Variants in COL1A1 observed in about 807,000 individuals in gnomAD.
COL1A1 encodes collagen type I alpha 1 chain.
COL1A1 carries 21 observed loss-of-function variants against 195.7 expected under a neutral mutation model. That is an observed-to-expected ratio of 0.11 (90% CI 0.08 to 0.15). The LOEUF (loss-of-function observed/expected upper bound fraction) is 0.15. Ranked by LOEUF, COL1A1 falls within the 10% of genes least tolerant of loss-of-function variation. The pLI, the probability that COL1A1 is intolerant of heterozygous loss-of-function variation, is 1.00. For missense variants in COL1A1, 1,365 were observed against 2,051.0 expected (o/e 0.67, Z 6.46); for synonymous variants, 749 against 747.3 (o/e 1.00, Z -0.04).
Position 50,195,208 on chromosome 17 carries a change from C to T in COL1A1, c.1299+24G>A, listed in dbSNP as rs1401974466. The T allele has an allele frequency of 6.2e-7, 1 of 1,610,538 alleles. No individual in the cohort carries two copies. Among genetic ancestry groups the T allele is most frequent in the East Asian group, 2.2e-5 (1 of 44,828 alleles). On this transcript the variant is annotated intron_variant, in intron 19 of 50. Coordinates refer to ENST00000225964, the MANE Select transcript of COL1A1 (RefSeq NM_000088.4). The surrounding 1 kb of genome is among the most constrained non-coding windows in gnomAD (Gnocchi z 4.3). ...CACTGGAGCCAGTGCATGGGGTGGG[C>T]AGAAGGGAGAGTTTGGTACTCACGC...
Position 50,185,778 on chromosome 17 carries a change from C to T in COL1A1, c.4248G>A (p.Thr1416=), listed in dbSNP as rs746565111. 36 of 1,613,422 alleles carry T rather than the reference C, an allele frequency of 2.2e-5. 1 individual carries two copies. The highest frequency in any genetic ancestry group is 3.3e-5 in the Admixed American group (2 of 60,008). ...CTGCCTGGGGATTCTGGGCACTCAC[C>T]GTGCAGCCATCGACAGTGACGCTGT... ...FTYSVTVDGC[T]SHTGAWGKTV... The change falls in exon 50 of 51, where the codon ACG becomes ACA. Residue 1416 remains threonine, a splice_region_variant and synonymous_variant. Transcript: ENST00000225964.
Position 50,188,384 on chromosome 17 carries a change from T to C in COL1A1, c.3207+146A>G, listed in dbSNP as rs1044086195. The C allele has an allele frequency of 1.2e-5, 11 of 937,800 alleles. No individual in the cohort carries two copies. The highest frequency in any genetic ancestry group is 1.8e-5 in the Non-Finnish European group (11 of 603,494). The allele number at this position is 937,800 out of a possible 1,614,324, so 58.1% of individuals were successfully genotyped here. A position where few individuals can be genotyped will look rare whatever the true frequency, so the allele number is the denominator to read the frequency against. The stretch of plus-strand genomic sequence containing the variant: ...ACTTGGGGCTGAGCTTTAACTCAGT[T>C]TTTTGGATTAAGGCCCTGACATCTT... On this transcript the variant is annotated intron_variant, in intron 43 of 50. Coordinates refer to ENST00000225964, the MANE Select transcript of COL1A1 (RefSeq NM_000088.4). The surrounding 1 kb of genome is among the most constrained non-coding windows in gnomAD (Gnocchi z 5.6).
intron 45 of COL1A1, 158 bp from the exon 46 acceptor site, chr17:50,187,695 A>C: frequency 1.1e-6 from 1 of 946,276 alleles, no homozygotes; most frequent in Non-Finnish European, 1.7e-6. Context: ...CTCTCCCATA[A>C]TCCCTCTCTG....
At position 50,185,237 on chromosome 17, in the gene COL1A1, T is replaced by C. The variant is rs545033057; in HGVS notation, c.*265A>G. On this transcript the variant is annotated 3_prime_UTR_variant, in exon 51 of 51. Transcript: ENST00000225964. ...AGCAAGTGGACCAAGCTTCCTTTTT[T>C]AAAAAGTTATTTATTTATTCTTTTT... The C allele has an allele frequency of 2.3e-6, 1 of 430,252 alleles. No homozygotes were observed. 26.7% of individuals were successfully genotyped at this position (430,252 alleles called of 1,614,324 possible).
chr17:50,200,549 C>A (rs1165462886), intron 1 of COL1A1, among the ~76,000 whole-genome samples: 1 of 152,206 alleles, frequency 6.6e-6, no homozygotes, highest in African/African-American at 2.4e-5. Context: ...GGGCCATCCC[C>A]AGTCCCCCAA....
At position 50,185,257 on chromosome 17, in the gene COL1A1, CTTTTT is replaced by C. The variant is rs56302025; in HGVS notation, c.*240_*244del. On this transcript the variant is annotated 3_prime_UTR_variant, in exon 51 of 51. Coordinates refer to ENST00000225964, the MANE Select transcript of COL1A1 (RefSeq NM_000088.4). ...TTTTTTAAAAAGTTATTTATTTATTCTTTTTTTTTTTTTTTTTTTGGTAAGGTTGA... is the reference window on the plus strand; with the variant it reads ...TTTTTTAAAAAGTTATTTATTTATTCTTTTTTTTTTTTTTGGTAAGGTTGA... 3.0e-4 allele frequency: 57 copies of C among 192,492 alleles called. 1 individual carries two copies. Among genetic ancestry groups the C allele is most frequent in the African/African-American group, 5.0e-4 (15 of 30,130 alleles). The allele number at this position is 192,492 out of a possible 1,614,324, so 11.9% of individuals were successfully genotyped here.
chr17:50,188,339 G>A lies in COL1A1; in HGVS notation c.3208-190C>T, dbSNP rs903696117. ...GCTGGGGCCAACTCATGGGAGAGGC[G>A]GTCCTGTCTGGGAGAGGGGACTTGG... On this transcript the variant is annotated intron_variant, in intron 43 of 50. Coordinates refer to ENST00000225964, the MANE Select transcript of COL1A1 (RefSeq NM_000088.4). This position sits in a 1 kb window ranked among gnomAD's most constrained non-coding sequence, Gnocchi z 5.6. 16 of 806,626 alleles carry A rather than the reference G, an allele frequency of 2.0e-5. No homozygotes were observed. The highest frequency in any genetic ancestry group is 2.7e-5 in the Non-Finnish European group (14 of 509,658). 50.0% of individuals were successfully genotyped at this position (806,626 alleles called of 1,614,324 possible). A position where few individuals can be genotyped will look rare whatever the true frequency, so the allele number is the denominator to read the frequency against.
rs763699489 is a variant in COL1A1, at chr17:50,187,534, A to G, written c.3373T>C (p.Ser1125Pro). The G allele has an allele frequency of 6.2e-7, 1 of 1,613,834 alleles. No individual in the cohort carries two copies. The highest frequency in any genetic ancestry group is 8.5e-7 in the Non-Finnish European group (1 of 1,179,968). The change falls in exon 46 of 51, where the codon TCT becomes CCT. Residue 1125 changes from serine to proline, a missense_variant. Physicochemically the swap from Ser to Pro is moderately conservative, Grantham distance 74. Around this residue, in one of 5 missense-constraint regions of COL1A1, gnomAD observed 671 missense variants for 1,099.9 expected, o/e 0.61. Coordinates refer to ENST00000225964, the MANE Select transcript of COL1A1 (RefSeq NM_000088.4). ...GLQGPPGPPG[S>P]PGEQGPSGAS... ...CCAGAGGGACCTTGTTCACCAGGAG[A>G]GCCCTGAAGGACAGATAAAAAAGGC...
Position 50,190,101 on chromosome 17 carries a change from T to C in COL1A1, c.2459A>G (p.Asp820Gly), listed in dbSNP as rs1267596970. Residue 820 changes from aspartate (D) to glycine (G), a missense_variant, in exon 36 of 51, where the codon GAC (aspartate) becomes GGC (glycine). By Grantham distance (94) the Asp-to-Gly change is moderately conservative. Around this residue, in one of 5 missense-constraint regions of COL1A1, gnomAD observed 671 missense variants for 1,099.9 expected, o/e 0.61. Coordinates refer to ENST00000225964, the MANE Select transcript of COL1A1 (RefSeq NM_000088.4). This position sits in a 1 kb window ranked among gnomAD's most constrained non-coding sequence, Gnocchi z 4.7. ...PAGFAGPPGA[D>G]GQPGAKGEPG... ...TTCGCCTTTAGCACCAGGTTGGCCG[T>C]CAGCACCCTGGGGGAGGAAGCAGGG... 1 of 1,612,652 alleles carries C rather than the reference T, an allele frequency of 6.2e-7. No homozygotes were observed. Among genetic ancestry groups the C allele is most frequent in the East Asian group, 2.2e-5 (1 of 44,754 alleles).
At position 50,190,758 on chromosome 17, in the gene COL1A1, C is replaced by T; in HGVS notation, c.2343+59G>A. Reference sequence around the variant, plus strand: ...CCCAACGCAACCCCACGGAACCGTGCCCAGGCCTGCTGAGGAGGCTATGTG... The same window carrying T: ...CCCAACGCAACCCCACGGAACCGTGTCCAGGCCTGCTGAGGAGGCTATGTG... On this transcript the variant is annotated intron_variant, in intron 33 of 50. Coordinates refer to ENST00000225964, the MANE Select transcript of COL1A1 (RefSeq NM_000088.4). The surrounding 1 kb of genome is among the most constrained non-coding windows in gnomAD (Gnocchi z 4.7). 2 of 1,540,112 alleles carry T rather than the reference C, an allele frequency of 1.3e-6. No individual in the cohort carries two copies. Among genetic ancestry groups the T allele is most frequent in the African/African-American group, 1.4e-5 (1 of 73,530 alleles).
chr17:50,199,194 G>A lies in COL1A1; in HGVS notation c.471+32C>T, dbSNP rs73987449. 0.036 allele frequency: 51,509 copies of A among 1,436,420 alleles called. 1,969 individuals carry two copies. The highest frequency in any genetic ancestry group is 0.19 in the African/African-American group (13,149 of 69,572). 89.0% of individuals were successfully genotyped at this position (1,436,420 alleles called of 1,614,324 possible). A position where few individuals can be genotyped will look rare whatever the true frequency, so the allele number is the denominator to read the frequency against. The stretch of plus-strand genomic sequence containing the variant: ...TGCCAAAAAACAAAAACAAAACAGG[G>A]GAGAGTGGACACACAAGGCCTCTCC... On this transcript the variant is annotated intron_variant, in intron 5 of 50. Coordinates refer to ENST00000225964, the MANE Select transcript of COL1A1 (RefSeq NM_000088.4).
Position 50,185,507 on chromosome 17 carries a change from G to A in COL1A1, c.4390C>T (p.Leu1464=), listed in dbSNP as rs1235678847. Residue 1464 remains leucine, a synonymous_variant, in exon 51 of 51, where the codon CTG becomes TTG. Transcript: ENST00000225964. The stretch of plus-strand genomic sequence containing the variant: ...CAGGTTGGGATGGAGGGAGTTTACA[G>A]GAAGCAGACAGGGCCAACGTCGAAG... ...FGFDVGPVCF[L] is the part of the protein sequence containing the mutation. 1 of 1,613,912 alleles carries A rather than the reference G, an allele frequency of 6.2e-7. No individual in the cohort carries two copies. Among genetic ancestry groups the A allele is most frequent in the Non-Finnish European group, 8.5e-7 (1 of 1,179,990 alleles).
Position 50,189,618 on chromosome 17 carries a change from T to G in COL1A1, c.2667+61A>C, listed in dbSNP as rs1906886956. The G allele has an allele frequency of 6.2e-7, 1 of 1,612,066 alleles. No individual in the cohort carries two copies. Among genetic ancestry groups the G allele is most frequent in the South Asian group, 1.1e-5 (1 of 90,942 alleles). On this transcript the variant is annotated intron_variant, in intron 38 of 50. Coordinates refer to ENST00000225964, the MANE Select transcript of COL1A1 (RefSeq NM_000088.4). This position sits in a 1 kb window ranked among gnomAD's most constrained non-coding sequence, Gnocchi z 5.5. ...GGTCCTCAGTCAGCCCCACCATCCT[T>G]CTGGCAGCCCCCACCCAGCACCCCC...
Position 50,194,294 on chromosome 17 carries a change from C to T in COL1A1, c.1614+55G>A. 19 of 1,606,566 alleles carry T rather than the reference C, an allele frequency of 1.2e-5. No individual in the cohort carries two copies. The highest frequency in any genetic ancestry group is 1.6e-5 in the Non-Finnish European group (19 of 1,173,738). ...TGATCCAGAACGCCTCATCCCAGACCCTACACGGGATGGTCAGGGCCTGGC... is the reference window on the plus strand; with the variant it reads ...TGATCCAGAACGCCTCATCCCAGACTCTACACGGGATGGTCAGGGCCTGGC... On this transcript the variant is annotated intron_variant, in intron 23 of 50. Coordinates refer to ENST00000225964, the MANE Select transcript of COL1A1 (RefSeq NM_000088.4). This position sits in a 1 kb window ranked among gnomAD's most constrained non-coding sequence, Gnocchi z 6.8.
At position 50,187,165 on chromosome 17, in the gene COL1A1, G is replaced by A. The variant is rs41316717; in HGVS notation, c.3424-43C>T. On this transcript the variant is annotated intron_variant, in intron 46 of 50. Coordinates refer to ENST00000225964, the MANE Select transcript of COL1A1 (RefSeq NM_000088.4). ...GTTTGAGAAAGGCTGCCAGAAGCCC[G>A]AACAACCCCAGCTCTGGAGGAGAGG... is the stretch of plus-strand genomic sequence containing the variant. The A allele has an allele frequency of 4.0e-3, 5,882 of 1,481,914 alleles. 112 individuals are homozygous for A. The African/African-American group carries it at 0.046, about 11-fold the overall frequency. 91.8% of individuals were successfully genotyped at this position (1,481,914 alleles called of 1,614,324 possible).
rs1391013279 is a variant in COL1A1, at chr17:50,189,577, C to T, written c.2668-39G>A. ...GGAGGGGCTGTCAGACTCCAGGGGG[C>T]TCTGGTGCATCATTGGGTCCTCAGT... On this transcript the variant is annotated intron_variant, in intron 38 of 50. Transcript: ENST00000225964. This position sits in a 1 kb window ranked among gnomAD's most constrained non-coding sequence, Gnocchi z 5.5. The T allele has an allele frequency of 6.2e-7, 1 of 1,613,198 alleles. No individual in the cohort carries two copies. The highest frequency in any genetic ancestry group is 8.5e-7 in the Non-Finnish European group (1 of 1,179,750).
At chr17:50,199,619 C>A in intron 2 of COL1A1, 29 bp from the exon 3 acceptor site, 1 of 1,613,920 alleles carries the variant, frequency 6.2e-7, no homozygotes, top group Non-Finnish European at 8.5e-7. Context: ...CGCGTTAGAG[C>A]CAAGGTTTGC....
chr17:50,190,529 T>A lies in COL1A1; in HGVS notation c.2397+14A>T. ...GGGCCAAGTATGGGGTCTTAACAGG[T>A]CTTCTGTACTTACGGGGGCACCACG... On this transcript the variant is annotated intron_variant, in intron 34 of 50. Transcript: ENST00000225964. The surrounding 1 kb of genome is among the most constrained non-coding windows in gnomAD (Gnocchi z 4.7). 3 of 1,611,726 alleles carry A rather than the reference T, an allele frequency of 1.9e-6. No individual in the cohort carries two copies. The highest frequency in any genetic ancestry group is 2.5e-6 in the Non-Finnish European group (3 of 1,178,718).
rs886053139 is a variant in COL1A1 at position 50,184,114 on chromosome 17, CACAT to C, written c.*1384_*1387del. 24 of 197,170 alleles carry C rather than the reference CACAT, an allele frequency of 1.2e-4. No individual in the cohort carries two copies. The highest frequency in any genetic ancestry group is 2.3e-5 in the African/African-American group (1 of 43,234). 12.2% of individuals were successfully genotyped at this position (197,170 alleles called of 1,614,324 possible). Reference sequence around the variant, plus strand: ...CTGCGGATTATGTTTGGGTCATTTCCACATGCTTTATTCCAGCAATCAAAATAAT... The same window carrying C: ...CTGCGGATTATGTTTGGGTCATTTCCGCTTTATTCCAGCAATCAAAATAAT... On this transcript the variant is annotated 3_prime_UTR_variant, in exon 51 of 51. Coordinates refer to ENST00000225964, the MANE Select transcript of COL1A1 (RefSeq NM_000088.4).
Sources: allele counts gnomAD v4.1 joint callset (sites outside exome capture counted in the v4.1 genomes callset), GRCh38; gene constraint gnomAD v4.1.1; regional missense constraint gnomAD v4.1.1; non-coding constraint Gnocchi (gnomAD v3.1); transcripts MANE v1.5; gene names NCBI Gene and HGNC (gene_info 2026-07-23, HGNC 2026-07-21).